Variants in IMMP2L observed in about 807,000 individuals in gnomAD.
The protein encoded by IMMP2L is inner mitochondrial membrane peptidase subunit 2, also known as mitochondrial inner membrane protease subunit 2.
IMMP2L carries 18 observed loss-of-function variants against 19.3 expected under a neutral mutation model. The observed-to-expected ratio is 0.93, with a 90% confidence interval of 0.64 to 1.38. The LOEUF (loss-of-function observed/expected upper bound fraction) is 1.38. IMMP2L is among the 40% of genes most tolerant of loss of function. IMMP2L has a pLI of 0.00. For missense variants in IMMP2L, 233 were observed against 218.2 expected, an observed-to-expected ratio of 1.07 and a Z score of -0.43; for synonymous variants, 76 against 73.0, an observed-to-expected ratio of 1.04 and a Z score of -0.21.
chr7:111,205,595 GAATTA>G (rs1230771636), intron 3 of IMMP2L, among the ~76,000 whole-genome samples: 3 of 150,836 alleles, frequency 2.0e-5, no homozygotes, highest in African/African-American at 7.3e-5. Flanking sequence ...TTGAATTCAA[GAATTA>G]AATTTGTAAA....
chr7:110,843,745 A>T (rs1338860522), intron 5 of IMMP2L, among the ~76,000 whole-genome samples: 3 of 152,200 alleles, frequency 2.0e-5, no homozygotes, highest in Non-Finnish European at 4.4e-5. Context: ...TGATATGGAT[A>T]AGGGCCTTGC....
At chr7:111,325,617 C>A (rs919857736) in intron 3 of IMMP2L, among the ~76,000 whole-genome samples, 1 of 151,350 alleles carries the variant, frequency 6.6e-6, no homozygotes, top group Non-Finnish European at 1.5e-5. Context: ...TGTAATCGAG[C>A]CCTTCATGTA....
chr7:111,029,310 A>C (rs903020061), intron 3 of IMMP2L, among the ~76,000 whole-genome samples: 7 of 152,144 alleles, frequency 4.6e-5, no homozygotes, highest in Admixed American at 2.0e-4. Flanking sequence ...GGAGCAACAG[A>C]GATGAGAGCC....
chr7:111,385,922 AT>A (rs796665940), intron 3 of IMMP2L, among the ~76,000 whole-genome samples: 14 of 148,748 alleles, frequency 9.4e-5, no homozygotes, highest in East Asian at 2.0e-4. Flanking sequence ...CTCCACATGA[AT>A]TTTTTTTTTT....
At chr7:111,529,410 A>G (rs1374382367) in intron 1 of IMMP2L, among the ~76,000 whole-genome samples, 1 of 152,182 alleles carries the variant, frequency 6.6e-6, no homozygotes, top group East Asian at 1.9e-4. Flanking sequence ...TTTTTTCAGG[A>G]CTATCTTGCT....
At chr7:111,045,631 T>C (rs941176224) in intron 3 of IMMP2L, among the ~76,000 whole-genome samples, 6 of 152,170 alleles carry the variant, frequency 3.9e-5, no homozygotes, top group African/African-American at 1.4e-4. Flanking sequence ...GCCAGAGTGA[T>C]GCAATATAAG....
At chr7:111,319,186 A>C (rs1409299898) in intron 3 of IMMP2L, among the ~76,000 whole-genome samples, 3 of 152,216 alleles carry the variant, frequency 2.0e-5, no homozygotes, top group South Asian at 4.1e-4. Flanking sequence ...ACACTCAAAA[A>C]AAGTGCTGAG....
At chr7:111,529,201 C>T (rs1372334529) in intron 1 of IMMP2L, among the ~76,000 whole-genome samples, 10 of 152,172 alleles carry the variant, frequency 6.6e-5, no homozygotes, top group African/African-American at 2.4e-4. Context: ...AGCTATCATC[C>T]TCCACGGATC....
chr7:111,265,768 A>T (rs989768734), intron 3 of IMMP2L, among the ~76,000 whole-genome samples: 7 of 152,224 alleles, frequency 4.6e-5, no homozygotes, highest in Non-Finnish European at 1.0e-4. Flanking sequence ...TAGGGGCAGG[A>T]TAATGAAAGC....
chr7:111,428,831 T>C lies in IMMP2L; in HGVS notation c.239+58407A>G, dbSNP rs186711376. 1.3e-4 allele frequency among the ~76,000 whole-genome samples: 20 copies of C among 152,018 alleles called. 1 individual carries two copies. The highest frequency in any genetic ancestry group is 4.1e-4 in the African/African-American group (17 of 41,298). ...CATACTCTCTACTAGAACATCTCCATAGTTGCCGTGAATCATTCTTTCATT... is the reference window on the plus strand; with the variant it reads ...CATACTCTCTACTAGAACATCTCCACAGTTGCCGTGAATCATTCTTTCATT... On this transcript the variant is annotated intron_variant, in intron 3 of 5. Coordinates refer to ENST00000405709, the MANE Select transcript of IMMP2L (RefSeq NM_032549.4).
intron 3 of IMMP2L, among the ~76,000 whole-genome samples, chr7:111,459,157 C>T (rs1252957360): frequency 6.6e-6 from 1 of 152,040 alleles, no homozygotes; most frequent in East Asian, 1.9e-4. Flanking sequence ...CTCTATTTTC[C>T]TACTAGACAT....
At chr7:110,669,106 T>TAGAG (rs1294902082) in intron 5 of IMMP2L, among the ~76,000 whole-genome samples, 6 of 143,560 alleles carry the variant, frequency 4.2e-5, no homozygotes, top group Non-Finnish European at 9.1e-5. Context: ...TATATATATA[T>TAGAG]ATAGAGAGAG....
intron 5 of IMMP2L, among the ~76,000 whole-genome samples, chr7:110,857,202 AC>A (rs1563029216): frequency 1.3e-5 from 2 of 152,120 alleles, no homozygotes; most frequent in African/African-American, 4.8e-5. Context: ...TAATCCAAGT[AC>A]TGGAGCAAAC....
intron 3 of IMMP2L, among the ~76,000 whole-genome samples, chr7:111,154,927 T>G (rs1296965842): frequency 6.6e-6 from 1 of 152,004 alleles, no homozygotes; most frequent in Non-Finnish European, 1.5e-5. Flanking sequence ...TCAGGTAATT[T>G]TTTAATTTTT....
At chr7:110,822,047 A>G (rs1199476680) in intron 5 of IMMP2L, among the ~76,000 whole-genome samples, 1 of 152,102 alleles carries the variant, frequency 6.6e-6, no homozygotes, top group African/African-American at 2.4e-5. Flanking sequence ...CTTTTCTCCA[A>G]CCCAGGTGTG....
intron 3 of IMMP2L, among the ~76,000 whole-genome samples, chr7:111,084,089 T>C (rs537723539): frequency 2.0e-5 from 3 of 151,906 alleles, no homozygotes; most frequent in Non-Finnish European, 2.9e-5. Context: ...GCAAGAAAGA[T>C]GAACTAGAAA....
chr7:111,547,323 A>C (rs888908736), intron 1 of IMMP2L, among the ~76,000 whole-genome samples: 6 of 152,150 alleles, frequency 3.9e-5, no homozygotes, highest in Admixed American at 3.9e-4. Flanking sequence ...TCACTGTTGC[A>C]AGTCAATTTA....
At chr7:110,809,455 G>A (rs1801872605) in intron 5 of IMMP2L, among the ~76,000 whole-genome samples, 2 of 151,730 alleles carry the variant, frequency 1.3e-5, no homozygotes, top group Non-Finnish European at 2.9e-5. Flanking sequence ...TAGTATTTAT[G>A]GATAACTTGC....
chr7:111,440,256 T>G (rs929352710), intron 3 of IMMP2L, among the ~76,000 whole-genome samples: 1 of 151,940 alleles, frequency 6.6e-6, no homozygotes, highest in Non-Finnish European at 1.5e-5. Flanking sequence ...TTTCAGGAAA[T>G]TTTCAACTTA....
Sources: gnomAD v4.1 joint callset for allele counts (sites outside exome capture counted in the v4.1 genomes callset) on GRCh38, gnomAD v4.1.1 for gene constraint, MANE v1.5 for transcripts, NCBI Gene and HGNC (gene_info 2026-07-23, HGNC 2026-07-21) for gene names.